ITPR1: variants seen among roughly 807,000 people sequenced by gnomAD.
ITPR1 encodes the protein inositol 1,4,5-trisphosphate receptor type 1, also known as inositol 1,4,5-trisphosphate-gated calcium channel ITPR1.
In ITPR1, 96 loss-of-function variants were observed where a neutral mutation model predicts 318.4. The observed-to-expected ratio is 0.30, with a 90% CI of 0.26 to 0.36. The LOEUF (loss-of-function observed/expected upper bound fraction) is 0.36, where lower values mean the gene tolerates loss of function less well. Among genes scored for constraint, ITPR1 ranks in the 10% least tolerant of loss-of-function variants. The pLI, the probability that ITPR1 is intolerant of heterozygous loss-of-function variation, is 1.00. For synonymous variants in ITPR1, 1,312 were observed against 1,289.9 expected (o/e 1.02, Z -0.37); for missense variants, 2,440 against 3,460.2 (o/e 0.71, Z 7.40).
chr3:4,500,385 AGG>A, intron 2 of ITPR1, among the ~76,000 whole-genome samples: 1 of 151,102 alleles, frequency 6.6e-6, no homozygotes, highest in East Asian at 2.0e-4. Context: ...GTTTTTTTGT[AGG>A]GACGGGATCT....
chr3:4,760,931 T>C (rs777044492), intron 44 of ITPR1, among the ~76,000 whole-genome samples: 1 of 152,220 alleles, frequency 6.6e-6, no homozygotes, highest in Non-Finnish European at 1.5e-5. Flanking sequence ...TTAATTCCCC[T>C]TCGCCACATA....
Position 4,627,863 on chromosome 3 carries a change from A to C in ITPR1, c.264A>C (p.Leu88=). 6.2e-7 allele frequency: 1 copy of C among 1,610,644 alleles called. No individual in the cohort carries two copies. The highest frequency in any genetic ancestry group is 8.5e-7 in the Non-Finnish European group (1 of 1,177,426). The change falls in exon 5 of 62, where the codon CTA becomes CTC. Residue 88 remains leucine (L), a synonymous_variant. Coordinates refer to ENST00000649015, the MANE Select transcript of ITPR1 (RefSeq NM_001378452.1). ...PGANSTTDAV[L]LNKLHHAADL... Reference sequence around the variant, plus strand: ...CCAACAGCACCACAGACGCAGTGCTACTCAACAAACTGCACGTACGTATTG... The same window carrying C: ...CCAACAGCACCACAGACGCAGTGCTCCTCAACAAACTGCACGTACGTATTG...
chr3:4,522,977 G>T (rs2124931464), intron 4 of ITPR1, among the ~76,000 whole-genome samples: 1 of 152,348 alleles, frequency 6.6e-6, no homozygotes, highest in South Asian at 2.1e-4. Flanking sequence ...CCAGCTCAGG[G>T]ATTTTGAGTT....
chr3:4,643,321 T>G (rs540232346), intron 7 of ITPR1, among the ~76,000 whole-genome samples: 4 of 152,256 alleles, frequency 2.6e-5, no homozygotes, highest in Non-Finnish European at 5.9e-5. Context: ...AACCATCTTT[T>G]CTAACCAAAA....
chr3:4,841,308 A>T (rs763482948), intron 61 of ITPR1, among the ~76,000 whole-genome samples: 3 of 152,194 alleles, frequency 2.0e-5, no homozygotes, highest in Non-Finnish European at 4.4e-5. Flanking sequence ...GCAGTGCAGA[A>T]GGAGTTTAGC....
intron 19 of ITPR1, among the ~76,000 whole-genome samples, chr3:4,670,461 T>C (rs1435123732): frequency 2.6e-5 from 4 of 152,174 alleles, no homozygotes; most frequent in Non-Finnish European, 4.4e-5. Flanking sequence ...CCCACTTAGA[T>C]GCCAGTAGCA....
At chr3:4,597,737 T>C (rs2090958885) in intron 4 of ITPR1, among the ~76,000 whole-genome samples, 1 of 152,206 alleles carries the variant, frequency 6.6e-6, no homozygotes, top group Non-Finnish European at 1.5e-5. Context: ...TTAACTTTGA[T>C]CTGGAAACTG....
intron 5 of ITPR1, among the ~76,000 whole-genome samples, chr3:4,631,558 G>A (rs1264422295): frequency 6.6e-6 from 1 of 151,858 alleles, no homozygotes; most frequent in East Asian, 1.9e-4. Flanking sequence ...GGGGATTTTG[G>A]TCTTTTTTGA....
intron 44 of ITPR1, among the ~76,000 whole-genome samples, chr3:4,758,809 C>T (rs567084633): frequency 1.1e-3 from 162 of 152,194 alleles, no homozygotes; most frequent in Non-Finnish European, 2.0e-3. Flanking sequence ...TGATCGTGGG[C>T]AATTTACTTA....
chr3:4,564,357 A>G (rs2086999515), intron 4 of ITPR1, among the ~76,000 whole-genome samples: 1 of 152,002 alleles, frequency 6.6e-6, no homozygotes, highest in African/African-American at 2.4e-5. Context: ...TTCTGCCTTC[A>G]TGTTTGCGTG....
intron 4 of ITPR1, among the ~76,000 whole-genome samples, chr3:4,558,808 C>T (rs927218048): frequency 6.6e-6 from 1 of 151,588 alleles, no homozygotes; most frequent in African/African-American, 2.4e-5. Context: ...CACATTTTAC[C>T]ATTTTTGTTT....
intron 37 of ITPR1, among the ~76,000 whole-genome samples, chr3:4,708,238 G>C (rs978855986): frequency 1.3e-5 from 2 of 152,186 alleles, no homozygotes; most frequent in African/African-American, 4.8e-5. Context: ...ATTCCAGCTA[G>C]ATTATTCCTT....
At chr3:4,583,352 T>C (rs2089550622) in intron 4 of ITPR1, among the ~76,000 whole-genome samples, 1 of 152,164 alleles carries the variant, frequency 6.6e-6, no homozygotes, top group Admixed American at 6.5e-5. Flanking sequence ...CTTTTTTTTT[T>C]CTCACTAATC....
chr3:4,605,738 T>C (rs971720702), intron 4 of ITPR1, among the ~76,000 whole-genome samples: 9 of 152,148 alleles, frequency 5.9e-5, no homozygotes, highest in Non-Finnish European at 1.2e-4. Context: ...CAAACAAATA[T>C]GTAAGAAAAA....
intron 42 of ITPR1, among the ~76,000 whole-genome samples, chr3:4,727,628 G>A (rs1315179747): frequency 6.6e-6 from 1 of 152,222 alleles, no homozygotes; most frequent in African/African-American, 2.4e-5. Flanking sequence ...AGGCTGGAAT[G>A]TAGTGGTGCA....
At chr3:4,673,713 G>A (rs2094132335) in intron 21 of ITPR1, among the ~76,000 whole-genome samples, 1 of 152,058 alleles carries the variant, frequency 6.6e-6, no homozygotes, top group African/African-American at 2.4e-5. Context: ...CTCCCAAGTA[G>A]CTGGGACTAC....
Position 4,836,854 on chromosome 3 carries a change from G to A in ITPR1, c.8109G>A (p.Leu2703=). The change falls in exon 61 of 62, where the codon CTG becomes CTA. Residue 2703 remains leucine, a synonymous_variant. Coordinates refer to ENST00000649015, the MANE Select transcript of ITPR1 (RefSeq NM_001378452.1). ...ATTCTGAAGGAGAACAGAATGAGCTGAGAAACCTGCAGGAGAAGCTGGAGT... is the reference window on the plus strand; with the variant it reads ...ATTCTGAAGGAGAACAGAATGAGCTAAGAAACCTGCAGGAGAAGCTGGAGT... ...SSDSEGEQNE[L]RNLQEKLEST... 9 of 1,592,634 alleles carry A rather than the reference G, an allele frequency of 5.7e-6. No individual in the cohort carries two copies. The highest frequency in any genetic ancestry group is 7.7e-6 in the Non-Finnish European group (9 of 1,166,006).
intron 4 of ITPR1, among the ~76,000 whole-genome samples, chr3:4,582,106 C>T (rs997291896): frequency 1.3e-5 from 2 of 152,136 alleles, no homozygotes; most frequent in South Asian, 4.2e-4. Flanking sequence ...CTCGGTGCTC[C>T]CGTACTGGCC....
chr3:4,694,573 G>A (rs1187329412), intron 33 of ITPR1, among the ~76,000 whole-genome samples: 3 of 152,242 alleles, frequency 2.0e-5, no homozygotes, highest in African/African-American at 7.2e-5. Context: ...CACAAACCTA[G>A]ATGGCACAGC....
Sources: allele counts gnomAD v4.1 joint callset (sites outside exome capture counted in the v4.1 genomes callset), GRCh38; gene constraint gnomAD v4.1.1; transcripts MANE v1.5; gene names NCBI Gene and HGNC (gene_info 2026-07-23, HGNC 2026-07-21).